SYNE2: variants seen among roughly 807,000 people sequenced by gnomAD.
SYNE2 encodes spectrin repeat containing nuclear envelope protein 2.
Under a neutral mutation model 856.3 loss-of-function variants are expected in SYNE2, and 431 were observed. That is an observed-to-expected ratio of 0.50 (90% CI 0.47 to 0.55). SYNE2 has a LOEUF of 0.55. Among genes scored for constraint, SYNE2 ranks in the 20% least tolerant of loss-of-function variants. The probability of loss-of-function intolerance (pLI) is 0.00; values close to 1 mark genes in which losing one functional copy is unlikely to be tolerated. For synonymous variants in SYNE2, 2,923 were observed against 2,872.3 expected, an observed-to-expected ratio of 1.02 and a Z score of -0.56; for missense variants, 8,129 against 8,023.2, an observed-to-expected ratio of 1.01 and a Z score of -0.50.
At chr14:63,811,024 A>G (rs1440047085) in intron 1 of SYNE2, among the ~76,000 whole-genome samples, 1 of 151,936 alleles carries the variant, frequency 6.6e-6, no homozygotes, top group Non-Finnish European at 1.5e-5. Flanking sequence ...TTTAGTAGAG[A>G]TGGGGTTTCA....
chr14:63,782,211 C>T (rs35635100), intron 1 of SYNE2, among the ~76,000 whole-genome samples: 11,529 of 151,174 alleles, frequency 0.076, 489 homozygotes, highest in Middle Eastern at 0.13. Context: ...CAGTGGCTCA[C>T]GCCTGTAATC....
At chr14:63,774,537 C>CT (rs1887041600) in intron 1 of SYNE2, among the ~76,000 whole-genome samples, 3 of 143,390 alleles carry the variant, frequency 2.1e-5, no homozygotes, top group Admixed American at 6.9e-5. Flanking sequence ...AAGTTTTTTT[C>CT]TTTTTTTTCT....
chr14:64,083,466 A>G (rs1440014349), intron 57 of SYNE2, among the ~76,000 whole-genome samples: 3 of 151,544 alleles, frequency 2.0e-5, no homozygotes, highest in Non-Finnish European at 4.4e-5. Flanking sequence ...GCTACCTTCT[A>G]CTGATACACA....
intron 58 of SYNE2, among the ~76,000 whole-genome samples, chr14:64,089,371 A>G (rs1373705082): frequency 3.3e-3 from 93 of 28,550 alleles, no homozygotes; most frequent in Non-Finnish European, 9.4e-3. Flanking sequence ...CGTCTCAGGA[A>G]AAAAAAAAAA....
chr14:63,872,066 G>A (rs1469289854), intron 1 of SYNE2, among the ~76,000 whole-genome samples: 1 of 152,138 alleles, frequency 6.6e-6, no homozygotes, highest in Non-Finnish European at 1.5e-5. Context: ...AGCTGGTAGT[G>A]TGTGGGCCCG....
At chr14:64,024,800 TAACA>T (rs1355795114) in intron 39 of SYNE2, 108 bp from the exon 40 acceptor site, 2 of 1,123,584 alleles carry the variant, frequency 1.8e-6, no homozygotes. Flanking sequence ...CTCTAAATTA[TAACA>T]AACATATTAT....
At chr14:63,802,350 G>A (rs1324986843) in intron 1 of SYNE2, among the ~76,000 whole-genome samples, 1 of 151,426 alleles carries the variant, frequency 6.6e-6, no homozygotes, top group Non-Finnish European at 1.5e-5. Context: ...CAGGTGATCT[G>A]CTCGCCTCGG....
intron 30 of SYNE2, among the ~76,000 whole-genome samples, 196 bp from the exon 31 acceptor site, chr14:64,006,847 A>G (rs2096800185): frequency 6.6e-6 from 1 of 152,056 alleles, no homozygotes; most frequent in South Asian, 2.1e-4. Flanking sequence ...AAATAAGACA[A>G]AACAAAACAA....
At chr14:64,051,350 C>A (rs566435727) in intron 47 of SYNE2, among the ~76,000 whole-genome samples, 4 of 151,282 alleles carry the variant, frequency 2.6e-5, no homozygotes, top group Admixed American at 2.6e-4. Context: ...CCAAGATACT[C>A]ATTTTATAGG....
In SYNE2 at chr14:64,159,531, TTCC is replaced by T. The variant is rs951161040; in HGVS notation, c.16094+95_16094+97del. ...GGGGCATAGGCATTGTAAAGTCTTC[TTCC>T]TCCTCTGAGATGACTGGTTTCCTAC... On this transcript the variant is annotated intron_variant, in intron 87 of 115. Coordinates refer to ENST00000555002, the MANE Select transcript of SYNE2 (RefSeq NM_182914.3). 2.7e-5 allele frequency: 40 copies of T among 1,472,790 alleles called. No individual in the cohort carries two copies. In the African/African-American group the frequency reaches 5.0e-4, roughly 18 times the overall value. The allele number at this position is 1,472,790 out of a possible 1,614,324, so 91.2% of individuals were successfully genotyped here.
intron 1 of SYNE2, among the ~76,000 whole-genome samples, chr14:63,810,409 T>C (rs923973962): frequency 1.3e-5 from 2 of 152,174 alleles, no homozygotes; most frequent in African/African-American, 4.8e-5. Context: ...CTGGAAGCTT[T>C]TGTAAGGAGC....
chr14:64,172,934 GA>G (rs11369182), intron 94 of SYNE2, among the ~76,000 whole-genome samples: 155 of 142,384 alleles, frequency 1.1e-3, no homozygotes, highest in Middle Eastern at 3.6e-3. Context: ...GACCTGTCTG[GA>G]AAAAAAAAAA....
intron 1 of SYNE2, among the ~76,000 whole-genome samples, chr14:63,827,485 T>G (rs1325941868): frequency 6.8e-6 from 1 of 147,342 alleles, no homozygotes; most frequent in African/African-American, 2.5e-5. Context: ...ATTAGCCGGG[T>G]GTGGTGGCGC....
At chr14:63,974,878 GTGTGTGTGTGTGTGTATATATA>G (rs2096524734) in intron 11 of SYNE2, among the ~76,000 whole-genome samples, 2 of 29,348 alleles carry the variant, frequency 6.8e-5, no homozygotes, top group Admixed American at 3.8e-4. Flanking sequence ...GTGTGTGTGT[GTGTGTGTGTGTGTGTATATATA>G]TATATATATA....
chr14:64,052,604 G>C lies in SYNE2; in HGVS notation c.8691G>C (p.Glu2897Asp), dbSNP rs758754933. ...IDSGISTHLQ[E>D]LTNIYEELNV... ...GTGGAATCTCAACACATCTTCAGGAGCTAACAAACATCTATGAGGAGCTGA... is the reference window on the plus strand; with the variant it reads ...GTGGAATCTCAACACATCTTCAGGACCTAACAAACATCTATGAGGAGCTGA... Residue 2897 changes from glutamate (E) to aspartate (D), a missense_variant, in exon 48 of 116, where the codon GAG becomes GAC. Glu to Asp is a conservative substitution (Grantham distance 45, BLOSUM62 2). This residue lies in a region of SYNE2 where 5,410 missense variants were observed against 5,284.8 expected (regional missense o/e 1.02). Transcript: ENST00000555002. The C allele has an allele frequency of 1.3e-4, 217 of 1,613,984 alleles. No individual in the cohort carries two copies. The highest frequency in any genetic ancestry group is 1.8e-4 in the Non-Finnish European group (216 of 1,180,030).
Position 64,000,600 on chromosome 14 carries a change from T to A in SYNE2, c.3519T>A (p.Phe1173Leu), listed in dbSNP as rs1400265305. The A allele has an allele frequency of 6.2e-7, 1 of 1,613,646 alleles. No homozygotes were observed. Among genetic ancestry groups the A allele is most frequent in the East Asian group, 2.2e-5 (1 of 44,780 alleles). Residue 1173 changes from phenylalanine to leucine, a missense_variant, in exon 28 of 116, where the codon TTT becomes TTA. By Grantham distance (22) the Phe-to-Leu change is conservative. This residue lies in a region of SYNE2 where 2,422 missense variants were observed against 2,357.4 expected (regional missense o/e 1.03). Transcript: ENST00000555002. ...AAACTGATGCTCGCTGGAAAGAGTTTGAAATTATTTCATTGAAGTTAGAAA... is the reference window on the plus strand; with the variant it reads ...AAACTGATGCTCGCTGGAAAGAGTTAGAAATTATTTCATTGAAGTTAGAAA... Reference protein sequence around the residue: ...KNETDARWKEFEIISLKLENH... With the variant: ...KNETDARWKELEIISLKLENH...
intron 61 of SYNE2, among the ~76,000 whole-genome samples, chr14:64,097,458 C>A: frequency 6.6e-6 from 1 of 152,138 alleles, no homozygotes; most frequent in East Asian, 1.9e-4. Context: ...TAAGAATTTC[C>A]TGGAGAGACA....
rs779437989 is a variant in SYNE2, at chr14:64,167,509, T to C, written c.16775T>C (p.Ile5592Thr). The C allele has an allele frequency of 2.5e-6, 4 of 1,614,234 alleles. No individual in the cohort carries two copies. Among genetic ancestry groups the C allele is most frequent in the Non-Finnish European group, 8.5e-7 (1 of 1,180,038 alleles). The part of the protein sequence containing the change: ...ALERCSELQG[I>T]GLNEKFLYCC... ...AACCTTTGTAGTGAGCTTCAGGGAA[T>C]TGGATTGAATGAAAAGTTTCTTTAT... Residue 5592 changes from isoleucine (I) to threonine (T), a missense_variant, in exon 92 of 116, where the codon ATT becomes ACT. Around this residue, in one of 3 missense-constraint regions of SYNE2, gnomAD observed 5,410 missense variants for 5,284.8 expected, o/e 1.02. Coordinates refer to ENST00000555002, the MANE Select transcript of SYNE2 (RefSeq NM_182914.3).
intron 30 of SYNE2, among the ~76,000 whole-genome samples, chr14:64,005,657 T>C (rs951340903): frequency 1.3e-5 from 2 of 152,222 alleles, no homozygotes; most frequent in Non-Finnish European, 1.5e-5. Flanking sequence ...AGAAATGATA[T>C]ATTCAAGATA....
Sources: allele counts gnomAD v4.1 joint callset (sites outside exome capture counted in the v4.1 genomes callset), GRCh38; gene constraint gnomAD v4.1.1; regional missense constraint gnomAD v4.1.1; transcripts MANE v1.5; gene names NCBI Gene and HGNC (gene_info 2026-07-23, HGNC 2026-07-21).